Variants in DACH1 observed in about 807,000 individuals in gnomAD.
DACH1 encodes dachshund homolog 1.
A neutral mutation model predicts 54.2 loss-of-function variants in DACH1; 12 were observed. The observed-to-expected ratio is 0.22, with a 90% CI of 0.14 to 0.36. The LOEUF (loss-of-function observed/expected upper bound fraction) is 0.36. Ranked by LOEUF, DACH1 falls within the 10% of genes least tolerant of loss-of-function variation. DACH1 has a pLI of 1.00. For synonymous variants in DACH1, 386 were observed against 366.2 expected (o/e 1.05, Z -0.62); for missense variants, 805 against 929.8 (o/e 0.87, Z 1.75).
At chr13:71,496,322 T>C (rs1211247885) in intron 6 of DACH1, among the ~76,000 whole-genome samples, 1 of 127,532 alleles carries the variant, frequency 7.8e-6, no homozygotes, top group African/African-American at 3.0e-5. Context: ...CACAAAAAGA[T>C]ATGCAACATA....
chr13:71,742,277 C>T (rs1033878275), intron 1 of DACH1, among the ~76,000 whole-genome samples: 1 of 152,154 alleles, frequency 6.6e-6, no homozygotes, highest in South Asian at 2.1e-4. Context: ...TGCAAACAGA[C>T]TAATACATAG....
At chr13:71,497,095 T>G (rs1028180716) in intron 6 of DACH1, among the ~76,000 whole-genome samples, 1 of 152,154 alleles carries the variant, frequency 6.6e-6, no homozygotes, top group African/African-American at 2.4e-5. Flanking sequence ...TGAGACTCAT[T>G]TCATTTATTT....
At chr13:71,582,305 A>T in intron 3 of DACH1, among the ~76,000 whole-genome samples, 1 of 152,132 alleles carries the variant, frequency 6.6e-6, no homozygotes, top group Admixed American at 6.5e-5. Flanking sequence ...TTCTCCACTT[A>T]CTTCTAAGCT....
intron 6 of DACH1, among the ~76,000 whole-genome samples, chr13:71,497,181 A>T (rs1400571240): frequency 1.3e-5 from 2 of 152,182 alleles, no homozygotes; most frequent in Admixed American, 1.3e-4. Flanking sequence ...GTGCTTTGTA[A>T]AATATAAAAT....
intron 3 of DACH1, among the ~76,000 whole-genome samples, chr13:71,583,920 A>C (rs545904174): frequency 6.6e-6 from 1 of 152,330 alleles, no homozygotes; most frequent in Admixed American, 6.5e-5. Flanking sequence ...TCTCCATTGT[A>C]AAATACTTAC....
intron 1 of DACH1, among the ~76,000 whole-genome samples, chr13:71,769,515 A>G (rs2138031293): frequency 6.6e-6 from 1 of 151,838 alleles, no homozygotes; most frequent in East Asian, 1.9e-4. Flanking sequence ...ATTGTTATCA[A>G]GCACCTTGGT....
intron 2 of DACH1, among the ~76,000 whole-genome samples, chr13:71,633,327 T>TAAAC (rs1285090647): frequency 2.0e-5 from 3 of 152,206 alleles, no homozygotes; most frequent in African/African-American, 7.2e-5. Flanking sequence ...TCATGTTTAG[T>TAAAC]AAACATTAGG....
chr13:71,707,702 G>A lies in DACH1; in HGVS notation c.849-25792C>T, dbSNP rs190610186. ...TACCTAGATTTTATTTATAAGAAAA[G>A]TAATAACTTTAAGCAAGGAAATGGA... On this transcript the variant is annotated intron_variant, in intron 1 of 10. Coordinates refer to ENST00000613252, the MANE Select transcript of DACH1 (RefSeq NM_080759.6). Among the ~76,000 whole-genome samples the A allele has an allele frequency of 1.8e-3, 268 of 152,204 alleles. 1 individual carries two copies. The highest frequency in any genetic ancestry group is 6.3e-3 in the African/African-American group (262 of 41,548).
At chr13:71,496,786 C>T (rs1448279839) in intron 6 of DACH1, among the ~76,000 whole-genome samples, 1 of 152,120 alleles carries the variant, frequency 6.6e-6, no homozygotes, top group Admixed American at 6.5e-5. Flanking sequence ...ATAAGGAATT[C>T]TGAAATATCA....
chr13:71,700,936 T>A (rs1882106251), intron 1 of DACH1, among the ~76,000 whole-genome samples: 1 of 152,196 alleles, frequency 6.6e-6, no homozygotes, highest in South Asian at 2.1e-4. Flanking sequence ...TTCTAAATTT[T>A]AACTTTAGTG....
intron 2 of DACH1, among the ~76,000 whole-genome samples, chr13:71,631,669 C>T (rs1020066899): frequency 6.6e-6 from 1 of 152,144 alleles, no homozygotes; most frequent in Non-Finnish European, 1.5e-5. Flanking sequence ...GATTAGAAAA[C>T]CATGGCACAG....
At chr13:71,762,965 G>C (rs1885466258) in intron 1 of DACH1, among the ~76,000 whole-genome samples, 1 of 152,014 alleles carries the variant, frequency 6.6e-6, no homozygotes, top group Admixed American at 6.6e-5. Context: ...AAAACGGCTT[G>C]CACCACAGAT....
intron 10 of DACH1, among the ~76,000 whole-genome samples, chr13:71,453,215 T>A (rs996993784): frequency 6.6e-6 from 1 of 152,200 alleles, no homozygotes; most frequent in Non-Finnish European, 1.5e-5. Context: ...TTCTCCATTC[T>A]TCTATTCCTT....
chr13:71,716,648 C>T (rs749701555), intron 1 of DACH1, among the ~76,000 whole-genome samples: 3 of 152,042 alleles, frequency 2.0e-5, no homozygotes, highest in Non-Finnish European at 4.4e-5. Context: ...ATTAGTCTTT[C>T]TATTAACATA....
At chr13:71,805,379 A>G (rs946340743) in intron 1 of DACH1, among the ~76,000 whole-genome samples, 2 of 152,184 alleles carry the variant, frequency 1.3e-5, no homozygotes, top group Non-Finnish European at 2.9e-5. Context: ...TTCTATTCCC[A>G]TTATGTTTAA....
intron 3 of DACH1, among the ~76,000 whole-genome samples, chr13:71,598,819 G>A (rs1021738821): frequency 2.0e-5 from 3 of 152,026 alleles, no homozygotes; most frequent in Non-Finnish European, 2.9e-5. Context: ...ACTCTCCCTC[G>A]GCGATGGTGA....
intron 1 of DACH1, among the ~76,000 whole-genome samples, chr13:71,717,063 G>A (rs1166856992): frequency 6.6e-6 from 1 of 151,834 alleles, no homozygotes; most frequent in Admixed American, 6.6e-5. Context: ...TAAATTAAGA[G>A]ACCTAATGCT....
At chr13:71,557,770 C>T (rs1884342699) in intron 5 of DACH1, among the ~76,000 whole-genome samples, 1 of 149,230 alleles carries the variant, frequency 6.7e-6, no homozygotes, top group Non-Finnish European at 1.5e-5. Flanking sequence ...ACATCCATAA[C>T]CTAAGACTAA....
intron 3 of DACH1, among the ~76,000 whole-genome samples, chr13:71,616,926 G>T (rs1017183350): frequency 2.7e-5 from 4 of 149,628 alleles, no homozygotes; most frequent in Non-Finnish European, 4.4e-5. Context: ...TTGTTGCCCA[G>T]GCTGGAGTGC....
Sources: gnomAD v4.1 joint callset for allele counts (sites outside exome capture counted in the v4.1 genomes callset) on GRCh38, gnomAD v4.1.1 for gene constraint, MANE v1.5 for transcripts, NCBI Gene and HGNC (gene_info 2026-07-23, HGNC 2026-07-21) for gene names.